MTO1: variants seen among roughly 807,000 people sequenced by gnomAD.
The protein encoded by MTO1 is mitochondrial tRNA translation optimization 1.
MTO1 carries 46 observed loss-of-function variants against 71.6 expected under a neutral mutation model. That is an observed-to-expected ratio of 0.64 (90% confidence interval 0.51 to 0.82). The LOEUF (loss-of-function observed/expected upper bound fraction) is 0.82, where lower values mean the gene tolerates loss of function less well. Ranked by LOEUF, MTO1 falls within the 40% of genes least tolerant of loss-of-function variation. The probability of loss-of-function intolerance (pLI) is 0.00; values close to 1 mark genes in which losing one functional copy is unlikely to be tolerated. For synonymous variants in MTO1, 297 were observed against 312.1 expected, an observed-to-expected ratio of 0.95 and a Z score of 0.51; for missense variants, 773 against 867.5, an observed-to-expected ratio of 0.89 and a Z score of 1.37.
At chr6:73,473,786 ATTT>A (rs112494055) in intron 4 of MTO1, 132 bp downstream of exon 4, 5,161 of 454,780 alleles carry the variant, frequency 0.011, no homozygotes, top group East Asian at 0.015. Flanking sequence ...CAAAGAAATG[ATTT>A]TTTTTTTTTT....
In MTO1 at chr6:73,482,026, C is replaced by T; in HGVS notation, c.1261-14C>T. 6.2e-7 allele frequency: 1 copy of T among 1,613,964 alleles called. No individual in the cohort carries two copies. Among genetic ancestry groups the T allele is most frequent in the South Asian group, 1.1e-5 (1 of 91,072 alleles). ...GTTCATAATGGCCTTTTAAACATTT[C>T]AGTGCTCTTGTAGGGTGTGATAGCC... On this transcript the variant is annotated splice_polypyrimidine_tract_variant and intron_variant, in intron 7 of 11. Coordinates refer to ENST00000498286, the MANE Select transcript of MTO1 (RefSeq NM_012123.4).
chr6:73,480,968 GGTTTTTTT>G, intron 7 of MTO1, 163 bp downstream of exon 7: 1 of 436,716 alleles, frequency 2.3e-6, no homozygotes. Context: ...TAGATAATAG[GGTTTTTTT>G]TTTTTTTTTT....
intron 10 of MTO1, among the ~76,000 whole-genome samples, chr6:73,494,815 T>C (rs529440051): frequency 6.8e-6 from 1 of 147,440 alleles, no homozygotes; most frequent in East Asian, 2.1e-4. Context: ...TCTGTCACCC[T>C]GTCGCCCAGG....
chr6:73,467,525 A>C (rs1771032894), intron 3 of MTO1, among the ~76,000 whole-genome samples: 1 of 151,734 alleles, frequency 6.6e-6, no homozygotes, highest in Non-Finnish European at 1.5e-5. Context: ...AGGCCAGAGA[A>C]TCACTTGAAC....
intron 10 of MTO1, among the ~76,000 whole-genome samples, chr6:73,495,700 T>C (rs1771961071): frequency 6.6e-6 from 1 of 152,178 alleles, no homozygotes; most frequent in Non-Finnish European, 1.5e-5. Flanking sequence ...CTCTCTCTTG[T>C]TTTGTTATAT....
At chr6:73,462,765 T>A (rs1229423238) in intron 1 of MTO1, among the ~76,000 whole-genome samples, 1 of 152,064 alleles carries the variant, frequency 6.6e-6, no homozygotes, top group Non-Finnish European at 1.5e-5. Flanking sequence ...AAAAATCCTT[T>A]ATTAAACGGT....
Position 73,492,328 on chromosome 6 carries a change from C to T in MTO1, c.1732C>T (p.Leu578=). 1.2e-6 allele frequency: 2 copies of T among 1,612,190 alleles called. No individual in the cohort carries two copies. The highest frequency in any genetic ancestry group is 1.3e-5 in the African/African-American group (1 of 74,976). The part of the protein sequence containing the change: ...PLKKYTKCRE[L]AERLKIEATY... ...GAAGAAGTATACTAAATGTAGAGAGCTGGCTGAAAGACTGAAAATAGAAGG... is the reference window on the plus strand; with the variant it reads ...GAAGAAGTATACTAAATGTAGAGAGTTGGCTGAAAGACTGAAAATAGAAGG... The change falls in exon 10 of 12, where the codon CTG becomes TTG. Residue 578 remains leucine, a synonymous_variant. Coordinates refer to ENST00000498286, the MANE Select transcript of MTO1 (RefSeq NM_012123.4).
At chr6:73,494,919 A>G (rs1771942586) in intron 10 of MTO1, among the ~76,000 whole-genome samples, 1 of 151,640 alleles carries the variant, frequency 6.6e-6, no homozygotes, top group African/African-American at 2.4e-5. Context: ...AGCTGGGACT[A>G]TAGGCGCGCA....
chr6:73,480,531 A>G (rs1052786937), intron 6 of MTO1, 144 bp from the exon 7 acceptor site: 26 of 1,053,240 alleles, frequency 2.5e-5, no homozygotes, highest in African/African-American at 1.1e-4. Flanking sequence ...TGGCCCCCCA[A>G]AGTGCTGAGA....
intron 7 of MTO1, 102 bp downstream of exon 7, chr6:73,480,907 C>A: frequency 3.4e-6 from 4 of 1,183,168 alleles, no homozygotes; most frequent in Non-Finnish European, 4.6e-6. Context: ...AGATACAATT[C>A]ATACTAATAG....
rs555094677 is a variant in MTO1 at position 73,482,248 on chromosome 6, A to T, written c.1465+4A>T. 1.8e-5 allele frequency: 29 copies of T among 1,613,754 alleles called. No individual in the cohort carries two copies. In the Admixed American group the frequency reaches 3.0e-4, roughly 17 times the overall value. ...GACAGCCGGCTCACACTGCGAGGTA[A>T]CTCTTTCCTGAGTCCTGCAATCCAG... On this transcript the variant is annotated splice_donor_region_variant and intron_variant, in intron 8 of 11. Transcript: ENST00000498286.
In MTO1 at chr6:73,479,768, A is replaced by C. The variant is rs1771432342; in HGVS notation, c.862A>C (p.Asn288His). The change falls in exon 5 of 12, where the codon AAC (asparagine) becomes CAC (histidine). Residue 288 changes from asparagine (N) to histidine (H), a missense_variant. Physicochemically the swap from Asn to His is moderately conservative, Grantham distance 68. Coordinates refer to ENST00000498286, the MANE Select transcript of MTO1 (RefSeq NM_012123.4). ...GCTGCCATGTTACTTGACTCACACC[A>C]ACCCTAGAGTGGATGAGATTGTCCT... The part of the protein sequence containing the change: ...DQLPCYLTHT[N>H]PRVDEIVLKN... 3.7e-6 allele frequency: 6 copies of C among 1,613,882 alleles called. No homozygotes were observed. Among genetic ancestry groups the C allele is most frequent in the Non-Finnish European group, 5.1e-6 (6 of 1,179,964 alleles).
intron 9 of MTO1, among the ~76,000 whole-genome samples, chr6:73,484,398 G>A (rs1325862574): frequency 1.3e-5 from 2 of 152,276 alleles, no homozygotes; most frequent in East Asian, 3.9e-4. Context: ...TTGCTTCCAA[G>A]ATGGTGCCTT....
chr6:73,479,009 C>T (rs556257503), intron 4 of MTO1, among the ~76,000 whole-genome samples: 12 of 150,996 alleles, frequency 7.9e-5, no homozygotes, highest in Non-Finnish European at 1.3e-4. Context: ...ATGCCTCAGC[C>T]TCCCGAGTAG....
At chr6:73,491,241 T>G (rs1285025089) in intron 9 of MTO1, among the ~76,000 whole-genome samples, 1 of 147,320 alleles carries the variant, frequency 6.8e-6, no homozygotes, top group Non-Finnish European at 1.5e-5. Flanking sequence ...TGGTAAAAGT[T>G]GACATGTAGA....
At chr6:73,474,562 C>A (rs1429423834) in intron 4 of MTO1, among the ~76,000 whole-genome samples, 1 of 152,112 alleles carries the variant, frequency 6.6e-6, no homozygotes, top group Admixed American at 6.6e-5. Context: ...GATTCTCCCA[C>A]CTCAGCCTCC....
chr6:73,476,967 T>C (rs1192694838), intron 4 of MTO1, among the ~76,000 whole-genome samples: 2 of 151,990 alleles, frequency 1.3e-5, no homozygotes, highest in East Asian at 2.0e-4. Flanking sequence ...TTTGTAGTTT[T>C]AGTGGAGACA....
At position 73,482,462 on chromosome 6, in the gene MTO1, T is replaced by C; in HGVS notation, c.1479T>C (p.Ala493=). The part of the protein sequence containing the change: ...SRLTLRGYKD[A]GCVSQQRYER... The stretch of plus-strand genomic sequence containing the variant: ...TCCCTTCCCTAGGGTATAAAGACGC[T>C]GGCTGTGTGTCCCAACAACGATATG... The change falls in exon 9 of 12, where the codon GCT becomes GCC. Residue 493 remains alanine (A), a synonymous_variant. Transcript: ENST00000498286. 6.2e-7 allele frequency: 1 copy of C among 1,612,394 alleles called. No homozygotes were observed. Among genetic ancestry groups the C allele is most frequent in the East Asian group, 2.2e-5 (1 of 44,880 alleles).
intron 4 of MTO1, among the ~76,000 whole-genome samples, chr6:73,473,874 C>A (rs1771229913): frequency 6.6e-6 from 1 of 151,044 alleles, no homozygotes; most frequent in Admixed American, 6.6e-5. Flanking sequence ...ACAGCCTTGA[C>A]CTCCTGGGCT....
Sources: gnomAD v4.1 joint callset for allele counts (sites outside exome capture counted in the v4.1 genomes callset) on GRCh38, gnomAD v4.1.1 for gene constraint, MANE v1.5 for transcripts, NCBI Gene and HGNC (gene_info 2026-07-23, HGNC 2026-07-21) for gene names.